TAPT1: variants seen among roughly 807,000 people sequenced by gnomAD.
TAPT1 encodes the protein transmembrane anterior posterior transformation 1.
A neutral mutation model predicts 65.6 loss-of-function variants in TAPT1; 28 were observed. That is an observed-to-expected ratio of 0.43 (90% confidence interval 0.32 to 0.59). TAPT1 has a LOEUF of 0.59. Among genes scored for constraint, TAPT1 ranks in the 20% least tolerant of loss-of-function variants. TAPT1 has a pLI of 0.09. For missense variants in TAPT1, 563 were observed against 679.9 expected (o/e 0.83, Z 1.91); for synonymous variants, 278 against 245.2 (o/e 1.13, Z -1.25).
intron 1 of TAPT1, among the ~76,000 whole-genome samples, chr4:16,222,619 G>A (rs1025897): frequency 0.72 from 110,148 of 152,144 alleles, 40,068 homozygotes; most frequent in Middle Eastern, 0.86. Flanking sequence ...CAAATTTTCA[G>A]TTACACAAAG....
intron 3 of TAPT1, among the ~76,000 whole-genome samples, chr4:16,197,671 T>C (rs142255548): frequency 5.2e-4 from 79 of 152,344 alleles, no homozygotes; most frequent in African/African-American, 1.8e-3. Flanking sequence ...TTCCAAGGAA[T>C]AGACACTTCA....
At chr4:16,189,495 C>T (rs563112189) in intron 4 of TAPT1, among the ~76,000 whole-genome samples, 1 of 151,610 alleles carries the variant, frequency 6.6e-6, no homozygotes, top group East Asian at 1.9e-4. Flanking sequence ...TACCATGGGC[C>T]TGATATTGTG....
chr4:16,223,412 GATCA>G (rs1476324613), intron 1 of TAPT1, among the ~76,000 whole-genome samples: 2 of 152,230 alleles, frequency 1.3e-5, no homozygotes, highest in Non-Finnish European at 2.9e-5. Flanking sequence ...ATACAGAAGA[GATCA>G]ATCTGCAGTT....
At chr4:16,222,740 G>C (rs750477961) in intron 1 of TAPT1, among the ~76,000 whole-genome samples, 2 of 152,138 alleles carry the variant, frequency 1.3e-5, no homozygotes, top group African/African-American at 2.4e-5. Context: ...TCCTGCCTCT[G>C]CTCAATCTCT....
At chr4:16,223,720 TACAG>T (rs568612246) in intron 1 of TAPT1, among the ~76,000 whole-genome samples, 39 of 152,296 alleles carry the variant, frequency 2.6e-4, no homozygotes, top group Middle Eastern at 6.8e-3. Flanking sequence ...CAGCTATTCA[TACAG>T]ACAAATATAC....
upstream of TAPT1, chr4:16,226,481 C>A: frequency 9.5e-7 from 1 of 1,048,546 alleles, no homozygotes; most frequent in Non-Finnish European, 1.1e-6. Flanking sequence ...CAAACTGTCC[C>A]CGCCGCCTCC....
rs1407879586 is a variant in TAPT1, at chr4:16,161,588, G to A, written c.*1720C>T. 1 of 152,444 alleles carries A rather than the reference G, an allele frequency of 6.6e-6. No homozygotes were observed. Among genetic ancestry groups the A allele is most frequent in the East Asian group, 1.9e-4 (1 of 5,196 alleles). 9.4% of individuals were successfully genotyped at this position (152,444 alleles called of 1,614,324 possible). A position where few individuals can be genotyped will look rare whatever the true frequency, so the allele number is the denominator to read the frequency against. ...TTCCTTTTGTTGGTAAAGGGAGATG[G>A]AAAAAATAATTCTAAAATGGGGCTC... On this transcript the variant is annotated 3_prime_UTR_variant, in exon 14 of 14. Transcript: ENST00000405303.
intron 7 of TAPT1, among the ~76,000 whole-genome samples, chr4:16,185,861 G>C (rs183087586): frequency 3.7e-4 from 57 of 152,240 alleles, no homozygotes; most frequent in Non-Finnish European, 6.3e-4. Context: ...CATCTGTCTG[G>C]ATTCATGCTA....
chr4:16,216,873 G>A (rs13136172), intron 1 of TAPT1, among the ~76,000 whole-genome samples: 38,196 of 151,986 alleles, frequency 0.25, 5,692 homozygotes, highest in East Asian at 0.33. Flanking sequence ...ACCCTTCAGT[G>A]GTTCTTCATT....
At chr4:16,172,887 C>T (rs1252925485) in intron 11 of TAPT1, among the ~76,000 whole-genome samples, 8 of 151,846 alleles carry the variant, frequency 5.3e-5, no homozygotes, top group Admixed American at 2.0e-4. Flanking sequence ...GGCAGTGACG[C>T]GATCTCGGCT....
At chr4:16,212,804 G>A (rs1192945374) in intron 2 of TAPT1, among the ~76,000 whole-genome samples, 1 of 152,114 alleles carries the variant, frequency 6.6e-6, no homozygotes, top group African/African-American at 2.4e-5. Flanking sequence ...AGCAAGTGAC[G>A]CTTCACCAAG....
chr4:16,184,258 A>G (rs899748566), intron 7 of TAPT1, among the ~76,000 whole-genome samples: 9 of 152,230 alleles, frequency 5.9e-5, no homozygotes, highest in Non-Finnish European at 1.2e-4. Flanking sequence ...CATATAAATG[A>G]AATAATACAT....
chr4:16,171,882 C>T lies in TAPT1; in HGVS notation c.1237-1153G>A, dbSNP rs138332111. 2.1e-3 allele frequency among the ~76,000 whole-genome samples: 327 copies of T among 152,324 alleles called. 2 individuals carry two copies. The highest frequency in any genetic ancestry group is 7.5e-3 in the African/African-American group (311 of 41,568). Reference sequence around the variant, plus strand: ...CTAATTTCCATGAGACTTTAATACACATTTTTTCTTCCTTTTTTCGGATAT... The same window carrying T: ...CTAATTTCCATGAGACTTTAATACATATTTTTTCTTCCTTTTTTCGGATAT... On this transcript the variant is annotated intron_variant, in intron 11 of 13. Coordinates refer to ENST00000405303, the MANE Select transcript of TAPT1 (RefSeq NM_153365.3).
In TAPT1 at chr4:16,226,320, G is replaced by A; in HGVS notation, c.138C>T (p.Leu46=). The A allele has an allele frequency of 8.9e-7, 1 of 1,123,432 alleles. No homozygotes were observed. The highest frequency in any genetic ancestry group is 1.1e-6 in the Non-Finnish European group (1 of 919,346). 69.6% of individuals were successfully genotyped at this position (1,123,432 alleles called of 1,614,324 possible). Reference sequence around the variant, plus strand: ...TCTCGTAGAAGCCCAGCGTCTCTGTGAGCTGAGGCGCCGGCGGGGGCCCCT... The same window carrying A: ...TCTCGTAGAAGCCCAGCGTCTCTGTAAGCTGAGGCGCCGGCGGGGGCCCCT... ...GGQGPPPAPQ[L]TETLGFYESD... is the part of the protein sequence containing the mutation. Residue 46 remains leucine, a synonymous_variant, in exon 1 of 14, where the codon CTC becomes CTT. Coordinates refer to ENST00000405303, the MANE Select transcript of TAPT1 (RefSeq NM_153365.3).
chr4:16,173,423 ATTCT>A (rs1370697172), intron 11 of TAPT1, among the ~76,000 whole-genome samples: 1 of 151,990 alleles, frequency 6.6e-6, no homozygotes, highest in African/African-American at 2.4e-5. Flanking sequence ...ATTTCTTTTT[ATTCT>A]TTCTTTTTTG....
At chr4:16,172,495 T>C (rs11736424) in intron 11 of TAPT1, among the ~76,000 whole-genome samples, 1 of 151,154 alleles carries the variant, frequency 6.6e-6, no homozygotes, top group East Asian at 1.9e-4. Context: ...AATTTTATTA[T>C]TTAGAAGCCT....
At chr4:16,175,395 A>G (rs1748258158) in intron 9 of TAPT1, among the ~76,000 whole-genome samples, 1 of 152,172 alleles carries the variant, frequency 6.6e-6, no homozygotes. Flanking sequence ...TCAGAAACTC[A>G]TAATTGAATC....
chr4:16,207,271 T>C (rs560020879), intron 2 of TAPT1, among the ~76,000 whole-genome samples: 3 of 152,312 alleles, frequency 2.0e-5, no homozygotes, highest in African/African-American at 7.2e-5. Context: ...GAGTAAATAC[T>C]CTCTATTAGT....
chr4:16,191,596 C>A, intron 3 of TAPT1, 73 bp from the exon 4 acceptor site: 1 of 1,380,616 alleles, frequency 7.2e-7, no homozygotes, highest in South Asian at 1.4e-5. Flanking sequence ...AATCTTTACT[C>A]GATATACACT....
Sources: allele counts gnomAD v4.1 joint callset (sites outside exome capture counted in the v4.1 genomes callset), GRCh38; gene constraint gnomAD v4.1.1; transcripts MANE v1.5; gene names NCBI Gene and HGNC (gene_info 2026-07-23, HGNC 2026-07-21).